C10orf143: variants seen among roughly 807,000 people sequenced by gnomAD.
The protein encoded by C10orf143 is chromosome 10 open reading frame 143.
chr10:130,065,484 G>A lies in C10orf143; in HGVS notation c.298-1101C>T, dbSNP rs115632865. 0.15 allele frequency: 23,449 copies of A among 152,614 alleles called. 2,407 individuals carry two copies. The highest frequency in any genetic ancestry group is 0.22 in the Non-Finnish European group (14,927 of 68,434). The allele number at this position is 152,614 out of a possible 1,614,324, so 9.5% of individuals were successfully genotyped here. ...GTTCCAGGATCGGAGAAGCTGTGGC[G>A]GCTGGAGCAGGGGCTTGTGGCGCAC... On this transcript the variant is annotated intron_variant, in intron 3 of 3. Coordinates refer to ENST00000637128, the MANE Select transcript of C10orf143 (RefSeq NM_001355042.2). This position sits in a 1 kb window ranked among gnomAD's most constrained non-coding sequence, Gnocchi z 4.2.
intron 3 of C10orf143, among the ~76,000 whole-genome samples, chr10:130,072,494 A>C (rs1444549296): frequency 6.6e-6 from 1 of 152,042 alleles, no homozygotes; most frequent in African/African-American, 2.4e-5. Flanking sequence ...CTATCTTCTA[A>C]TTCACTAATT....
intron 1 of C10orf143, among the ~76,000 whole-genome samples, chr10:130,088,156 G>C (rs887664525): frequency 6.6e-6 from 1 of 152,208 alleles, no homozygotes; most frequent in Admixed American, 6.5e-5. Flanking sequence ...GTCAAGGCGG[G>C]TGGATCACCT....
Position 130,103,494 on chromosome 10 carries a change from A to G in C10orf143, c.69+7210T>C, listed in dbSNP as rs112797435. Among the ~76,000 whole-genome samples, 465 of 152,136 alleles carry G rather than the reference A, an allele frequency of 3.1e-3. 1 individual carries two copies. Among genetic ancestry groups the G allele is most frequent in the African/African-American group, 0.011 (436 of 41,492 alleles). Reference sequence around the variant, plus strand: ...GACAGACCGAAACTCTGCCTCAATAAGTAAATAAATACATACACACTTGTA... The same window carrying G: ...GACAGACCGAAACTCTGCCTCAATAGGTAAATAAATACATACACACTTGTA... On this transcript the variant is annotated intron_variant, in intron 1 of 3. Transcript: ENST00000637128.
At chr10:130,035,979 G>T (rs1425836711) in intron 3 of C10orf143, 2 of 152,264 alleles carry the variant, frequency 1.3e-5, no homozygotes, top group Non-Finnish European at 2.9e-5. Flanking sequence ...ACCTGGTGGA[G>T]AGAGAGGGAT....
intron 3 of C10orf143, among the ~76,000 whole-genome samples, chr10:130,073,731 T>G (rs917962990): frequency 6.6e-6 from 1 of 152,190 alleles, no homozygotes; most frequent in African/African-American, 2.4e-5. Context: ...GTTTCTTTTT[T>G]CTTCTAGTCA....
chr10:130,078,642 A>G (rs1392966148), intron 3 of C10orf143, among the ~76,000 whole-genome samples: 1 of 152,192 alleles, frequency 6.6e-6, no homozygotes, highest in African/African-American at 2.4e-5. Context: ...ACTTCAGATA[A>G]TTAGAGGTTC....
intron 1 of C10orf143, among the ~76,000 whole-genome samples, chr10:130,083,323 G>A (rs1861237430): frequency 6.6e-6 from 1 of 152,200 alleles, no homozygotes. Flanking sequence ...CTTTGCTGGT[G>A]AGAATGCAAA....
At chr10:130,078,203 A>T (rs1428556443) in intron 3 of C10orf143, among the ~76,000 whole-genome samples, 1 of 150,948 alleles carries the variant, frequency 6.6e-6, no homozygotes, top group Admixed American at 6.6e-5. Context: ...CTTGAACTAA[A>T]TTTTTTTTTT....
downstream of C10orf143, among the ~76,000 whole-genome samples, chr10:130,063,727 C>G (rs1054128317): frequency 6.6e-6 from 1 of 152,194 alleles, no homozygotes; most frequent in African/African-American, 2.4e-5. Flanking sequence ...AGGAAGCTTT[C>G]AAACCCAGAG....
chr10:130,105,374 C>T (rs761999995), intron 1 of C10orf143, among the ~76,000 whole-genome samples: 5 of 152,200 alleles, frequency 3.3e-5, no homozygotes, highest in African/African-American at 7.2e-5. Flanking sequence ...TTAATTACCC[C>T]CTCTGCGTTT....
rs191520861 is a variant in C10orf143 at position 130,094,176 on chromosome 10, G to C, written c.70-14275C>G. Among the ~76,000 whole-genome samples the C allele has an allele frequency of 3.3e-5, 5 of 152,012 alleles. No homozygotes were observed. The East Asian group carries it at 7.7e-4, about 23-fold the overall frequency. On this transcript the variant is annotated intron_variant, in intron 1 of 3. Transcript: ENST00000637128. The stretch of plus-strand genomic sequence containing the variant: ...ATATACCCTCCCGAAACTAAACCAG[G>C]AAGAAGTCAAATCCCTGAATAGACC...
chr10:130,040,044 G>C (rs965072154), intron 3 of C10orf143, among the ~76,000 whole-genome samples: 1 of 152,148 alleles, frequency 6.6e-6, no homozygotes, highest in East Asian at 1.9e-4. Flanking sequence ...GAGGGGACCT[G>C]TCCCCTGCCA....
intron 3 of C10orf143, among the ~76,000 whole-genome samples, chr10:130,052,453 TC>T (rs1366139905): frequency 1.3e-5 from 2 of 151,890 alleles, no homozygotes; most frequent in African/African-American, 2.4e-5. Flanking sequence ...CCCAGAAGCA[TC>T]CCCGGGATAG....
intron 1 of C10orf143, among the ~76,000 whole-genome samples, chr10:130,095,740 A>G (rs977688815): frequency 7.2e-5 from 11 of 152,272 alleles, no homozygotes; most frequent in Middle Eastern, 3.4e-3. Context: ...GCTAAGCCAT[A>G]TGCAGAAAAC....
At chr10:130,099,719 G>A (rs1350292417) in intron 1 of C10orf143, among the ~76,000 whole-genome samples, 2 of 151,776 alleles carry the variant, frequency 1.3e-5, no homozygotes, top group Non-Finnish European at 2.9e-5. Context: ...GTGGAGACGG[G>A]GTTTCACCAT....
intron 3 of C10orf143, among the ~76,000 whole-genome samples, chr10:130,076,740 C>T (rs746107075): frequency 6.6e-6 from 1 of 152,210 alleles, no homozygotes; most frequent in Non-Finnish European, 1.5e-5. Context: ...GGAGCAGCTT[C>T]ATTTCCATTT....
intron 1 of C10orf143, among the ~76,000 whole-genome samples, chr10:130,089,140 T>C (rs1254331560): frequency 6.6e-6 from 1 of 152,220 alleles, no homozygotes; most frequent in African/African-American, 2.4e-5. Flanking sequence ...TATCTTGAGA[T>C]AATGGAGAAG....
chr10:130,036,789 G>A (rs1380318611), intron 3 of C10orf143, among the ~76,000 whole-genome samples: 2 of 152,106 alleles, frequency 1.3e-5, no homozygotes, highest in Admixed American at 6.5e-5. Context: ...TCCAGAGGAC[G>A]CTGGGTGCTG....
Position 130,076,534 on chromosome 10 carries a change from G to A in C10orf143, c.297+3032C>T, listed in dbSNP as rs185895955. Among the ~76,000 whole-genome samples the A allele has an allele frequency of 7.2e-5, 11 of 152,262 alleles. No individual in the cohort carries two copies. The East Asian group carries it at 1.7e-3, about 24-fold the overall frequency. On this transcript the variant is annotated intron_variant, in intron 3 of 3. Coordinates refer to ENST00000637128, the MANE Select transcript of C10orf143 (RefSeq NM_001355042.2). ...TTCCAGCACTGAGAGGCTACAAAAC[G>A]TCAGAGACCAGAGACCACTAGGAAA...
Sources: gnomAD v4.1 joint callset for allele counts (sites outside exome capture counted in the v4.1 genomes callset) on GRCh38, gnomAD v4.1.1 for gene constraint, Gnocchi (gnomAD v3.1) non-coding constraint, MANE v1.5 for transcripts, NCBI Gene and HGNC (gene_info 2026-07-23, HGNC 2026-07-21) for gene names.